Variants in GHR observed in about 807,000 individuals in gnomAD.
GHR encodes GH receptor.
GHR carries 35 observed loss-of-function variants against 67.1 expected under a neutral mutation model. The observed-to-expected ratio is 0.52, with a 90% confidence interval of 0.40 to 0.69. The LOEUF (loss-of-function observed/expected upper bound fraction) is 0.69. GHR is among the 30% of genes least tolerant of loss of function. GHR has a pLI of 0.00. For missense variants in GHR, 792 were observed against 764.6 expected, an observed-to-expected ratio of 1.04 and a Z score of -0.42; for synonymous variants, 272 against 269.1, an observed-to-expected ratio of 1.01 and a Z score of -0.10.
intron 1 of GHR, among the ~76,000 whole-genome samples, chr5:42,450,452 C>T (rs1234800622): frequency 6.6e-6 from 1 of 152,098 alleles, no homozygotes; most frequent in Non-Finnish European, 1.5e-5. Flanking sequence ...TTTTGTATTT[C>T]TGTGATATCG....
chr5:42,473,375 A>G (rs1467068518), intron 1 of GHR, among the ~76,000 whole-genome samples: 1 of 152,126 alleles, frequency 6.6e-6, no homozygotes, highest in African/African-American at 2.4e-5. Flanking sequence ...GTGGAGAGTT[A>G]TGAATGGCCC....
In GHR at chr5:42,630,453, C is replaced by T. The variant is rs998853306; in HGVS notation, c.136+1350C>T. Among the ~76,000 whole-genome samples, 8 of 132,106 alleles carry T rather than the reference C, an allele frequency of 6.1e-5. 1 individual carries two copies. The highest frequency in any genetic ancestry group is 5.8e-4 in the Admixed American group (8 of 13,690). The allele number at this position is 132,106 out of a possible 152,430, so 86.7% of individuals were successfully genotyped here. On this transcript the variant is annotated intron_variant, in intron 3 of 9. Coordinates refer to ENST00000230882, the MANE Select transcript of GHR (RefSeq NM_000163.5). The stretch of plus-strand genomic sequence containing the variant: ...CGAAATCATAATTTGAATTTTATGA[C>T]TAAATTGCAGAATTAATTTCCAATG...
At chr5:42,704,180 TATG>T (rs1758065005) in intron 6 of GHR, among the ~76,000 whole-genome samples, 1 of 152,022 alleles carries the variant, frequency 6.6e-6, no homozygotes, top group African/African-American at 2.4e-5. Flanking sequence ...CACTGTTTAT[TATG>T]ATGTGAGTTT....
At chr5:42,648,975 A>T (rs954099631) in intron 3 of GHR, among the ~76,000 whole-genome samples, 2 of 152,186 alleles carry the variant, frequency 1.3e-5, no homozygotes, top group African/African-American at 4.8e-5. Context: ...TTTCTGTCTG[A>T]TAAGTTCAAA....
intron 2 of GHR, among the ~76,000 whole-genome samples, chr5:42,602,805 A>G (rs2112639726): frequency 6.6e-6 from 1 of 152,274 alleles, no homozygotes; most frequent in African/African-American, 2.4e-5. Flanking sequence ...ATTATATGCT[A>G]CTAATATCCC....
At chr5:42,481,686 G>A (rs921131103) in intron 1 of GHR, among the ~76,000 whole-genome samples, 18 of 152,064 alleles carry the variant, frequency 1.2e-4, no homozygotes, top group Admixed American at 6.5e-5. Flanking sequence ...GGCTACTGAG[G>A]CTTCTGCATT....
At position 42,544,544 on chromosome 5, in the gene GHR, G is replaced by A. The variant is rs118054637; in HGVS notation, c.-11-21320G>A. 3.3e-5 allele frequency among the ~76,000 whole-genome samples: 5 copies of A among 152,128 alleles called. No homozygotes were observed. The East Asian group carries it at 7.7e-4, about 24-fold the overall frequency. ...GAATCAACCATTAGGCAAATAAATG[G>A]AAATAACAAACCAAATTTCCCCCCA... On this transcript the variant is annotated intron_variant, in intron 1 of 9. Transcript: ENST00000230882.
chr5:42,469,807 G>A (rs927793121), intron 1 of GHR, among the ~76,000 whole-genome samples: 9 of 152,080 alleles, frequency 5.9e-5, no homozygotes. Flanking sequence ...ACTTTACCTG[G>A]GCTGTTGCTT....
intron 2 of GHR, among the ~76,000 whole-genome samples, chr5:42,608,403 A>G (rs2112663145): frequency 6.6e-6 from 1 of 152,238 alleles, no homozygotes; most frequent in African/African-American, 2.4e-5. Flanking sequence ...TATTGCCATG[A>G]AATTTATTTA....
chr5:42,431,645 TTTG>T (rs1743100435), intron 1 of GHR, among the ~76,000 whole-genome samples: 1 of 152,216 alleles, frequency 6.6e-6, no homozygotes, highest in Non-Finnish European at 1.5e-5. Context: ...GCTTTCTTCT[TTTG>T]TTGTTGATAA....
chr5:42,534,166 A>C (rs1260349959), intron 1 of GHR, among the ~76,000 whole-genome samples: 1 of 96,364 alleles, frequency 1.0e-5, no homozygotes, highest in Non-Finnish European at 2.3e-5. Context: ...ATATATGTAC[A>C]TATGTATATA....
intron 1 of GHR, among the ~76,000 whole-genome samples, chr5:42,436,026 T>C (rs1743308233): frequency 6.6e-6 from 1 of 152,172 alleles, no homozygotes; most frequent in Non-Finnish European, 1.5e-5. Context: ...GTGGGATAAC[T>C]TGGAAGAAAT....
Position 42,576,073 on chromosome 5 carries a change from A to AT in GHR, c.70+10130dup, listed in dbSNP as rs1356303338. ...ATAAAATAAAATAAAATAAAATAAA[A>AT]TAAAATAAAATAAAATAAAATAAAA... On this transcript the variant is annotated intron_variant, in intron 2 of 9. Coordinates refer to ENST00000230882, the MANE Select transcript of GHR (RefSeq NM_000163.5). Among the ~76,000 whole-genome samples, 7 of 93,196 alleles carry AT rather than the reference A, an allele frequency of 7.5e-5. 1 individual carries two copies. The highest frequency in any genetic ancestry group is 4.3e-4 in the African/African-American group (7 of 16,234). 61.1% of individuals were successfully genotyped at this position (93,196 alleles called of 152,430 possible). A position where few individuals can be genotyped will look rare whatever the true frequency, so the allele number is the denominator to read the frequency against.
chr5:42,484,094 A>T (rs757444912), intron 1 of GHR, among the ~76,000 whole-genome samples: 1 of 152,182 alleles, frequency 6.6e-6, no homozygotes, highest in Non-Finnish European at 1.5e-5. Context: ...GATCATGTTT[A>T]TAAGTGTGTA....
chr5:42,430,577 G>T (rs946038354), intron 1 of GHR, among the ~76,000 whole-genome samples: 3 of 150,866 alleles, frequency 2.0e-5, no homozygotes, highest in Non-Finnish European at 2.9e-5. Flanking sequence ...ATAGTGTTGT[G>T]CACTTAGATA....
intron 5 of GHR, among the ~76,000 whole-genome samples, chr5:42,696,487 AG>A (rs1757680620): frequency 6.6e-6 from 1 of 152,234 alleles, no homozygotes; most frequent in Non-Finnish European, 1.5e-5. Context: ...AGTGGTCAAA[AG>A]CATGAGTGAG....
intron 1 of GHR, among the ~76,000 whole-genome samples, chr5:42,531,169 A>G (rs371562384): frequency 6.4e-4 from 98 of 152,168 alleles, no homozygotes; most frequent in African/African-American, 2.3e-3. Context: ...TCAGAGGATG[A>G]GGCAGGAGAA....
At chr5:42,490,636 T>G (rs763230811) in intron 1 of GHR, among the ~76,000 whole-genome samples, 4 of 152,240 alleles carry the variant, frequency 2.6e-5, no homozygotes, top group African/African-American at 4.8e-5. Flanking sequence ...AAAGTAATTT[T>G]GCAGATTTGT....
chr5:42,624,761 C>T (rs1753619435), intron 2 of GHR, among the ~76,000 whole-genome samples: 1 of 152,172 alleles, frequency 6.6e-6, no homozygotes, highest in Non-Finnish European at 1.5e-5. Context: ...CAAAGGTCCT[C>T]TTTTAGTGCT....
Sources: gnomAD v4.1 joint callset for allele counts (sites outside exome capture counted in the v4.1 genomes callset) on GRCh38, gnomAD v4.1.1 for gene constraint, MANE v1.5 for transcripts, NCBI Gene and HGNC (gene_info 2026-07-23, HGNC 2026-07-21) for gene names.